The following EML1 variants were observed in gnomAD, a reference collection of about 807,000 sequenced individuals.
EML1 encodes echinoderm microtubule-associated protein-like 1.
A neutral mutation model predicts 110.4 loss-of-function variants in EML1; 27 were observed. That is an observed-to-expected ratio of 0.24 (90% CI 0.18 to 0.34). The LOEUF is 0.34. EML1 is among the 10% of genes least tolerant of loss of function. The pLI, the probability that EML1 is intolerant of heterozygous loss-of-function variation, is 1.00. For missense variants in EML1, 741 were observed against 1,030.9 expected (o/e 0.72, Z 3.85); for synonymous variants, 344 against 385.8 (o/e 0.89, Z 1.27).
intron 2 of EML1, among the ~76,000 whole-genome samples, chr14:99,852,492 G>A (rs1045481120): frequency 5.3e-5 from 8 of 152,150 alleles, no homozygotes; most frequent in Non-Finnish European, 8.8e-5. Flanking sequence ...GCAAGTGCCC[G>A]TGGTCCCAGC....
chr14:99,856,111 T>C (rs1367496214), intron 2 of EML1, among the ~76,000 whole-genome samples: 1 of 152,210 alleles, frequency 6.6e-6, no homozygotes, highest in East Asian at 1.9e-4. Flanking sequence ...ATTGTGCCCA[T>C]TTTATAGATG....
rs1311175452 is a variant in EML1 at position 99,939,496 on chromosome 14, C to T, written c.2322+169C>T. ...GCACTTCCAGCCGCCCTTAGGGAAACCCCAAGCCCCACAGGACCCACAAAG... is the reference window on the plus strand; with the variant it reads ...GCACTTCCAGCCGCCCTTAGGGAAATCCCAAGCCCCACAGGACCCACAAAG... On this transcript the variant is annotated intron_variant, in intron 21 of 21. Transcript: ENST00000262233. This position sits in a 1 kb window ranked among gnomAD's most constrained non-coding sequence, Gnocchi z 4.2. Among the ~76,000 whole-genome samples, 1 of 152,164 alleles carries T rather than the reference C, an allele frequency of 6.6e-6. No individual in the cohort carries two copies. The highest frequency in any genetic ancestry group is 6.5e-5 in the Admixed American group (1 of 15,290).
intron 1 of EML1, among the ~76,000 whole-genome samples, chr14:99,816,300 A>G (rs1700466616): frequency 6.6e-6 from 1 of 152,188 alleles, no homozygotes; most frequent in Admixed American, 6.5e-5. Flanking sequence ...AGTAGCTGGG[A>G]CTACAAACGC....
At chr14:99,759,191 C>T (rs1017657132) in intron 1 of EML1, among the ~76,000 whole-genome samples, 1 of 152,224 alleles carries the variant, frequency 6.6e-6, no homozygotes, top group Non-Finnish European at 1.5e-5. Flanking sequence ...GGAGGGGGCT[C>T]TGCAGGTGTC....
At chr14:99,823,607 T>A (rs1386723256) in intron 1 of EML1, among the ~76,000 whole-genome samples, 1 of 152,092 alleles carries the variant, frequency 6.6e-6, no homozygotes. Flanking sequence ...CCTGCGTAGA[T>A]TGAGTGTCTC....
At chr14:99,834,309 C>CTTT (rs71113226) in intron 1 of EML1, among the ~76,000 whole-genome samples, 10 of 148,526 alleles carry the variant, frequency 6.7e-5, no homozygotes, top group Admixed American at 1.3e-4. Context: ...AGAATGTTTC[C>CTTT]TTTTTTTTTT....
intron 1 of EML1, among the ~76,000 whole-genome samples, chr14:99,749,304 A>G (rs1157460125): frequency 6.6e-6 from 1 of 152,046 alleles, no homozygotes; most frequent in Non-Finnish European, 1.5e-5. Context: ...CTGACTCCTC[A>G]CATCTTCACC....
chr14:99,917,884 G>A, intron 16 of EML1, 35 bp downstream of exon 16: 2 of 1,610,280 alleles, frequency 1.2e-6, no homozygotes, highest in Non-Finnish European at 1.7e-6. Context: ...TGCTTGCAAA[G>A]CTTATGGAAA....
At chr14:99,782,215 T>C (rs2057547719) in intron 1 of EML1, among the ~76,000 whole-genome samples, 1 of 151,748 alleles carries the variant, frequency 6.6e-6, no homozygotes, top group African/African-American at 2.4e-5. Flanking sequence ...CTGCTCAAAG[T>C]AGAAAAGTGA....
At chr14:99,877,135 G>C (rs1188500563) in intron 3 of EML1, among the ~76,000 whole-genome samples, 1 of 152,056 alleles carries the variant, frequency 6.6e-6, no homozygotes, top group Non-Finnish European at 1.5e-5. Context: ...GGGCCAGCAT[G>C]GTCAGGTTCT....
At chr14:99,791,405 C>T (rs76970393), upstream of EML1, among the ~76,000 whole-genome samples, 2,023 of 152,332 alleles carry the variant, frequency 0.013, 34 homozygotes, top group African/African-American at 0.046. Context: ...CCTCTCTGAC[C>T]ATTCCTTCGG....
chr14:99,872,775 A>G (rs1566909909), intron 3 of EML1, among the ~76,000 whole-genome samples: 1 of 152,254 alleles, frequency 6.6e-6, no homozygotes, highest in African/African-American at 2.4e-5. Context: ...TATTAGGATT[A>G]AAATAACTTC....
intron 7 of EML1, 91 bp downstream of exon 7, chr14:99,897,385 A>G (rs2059689444): frequency 1.6e-6 from 2 of 1,279,690 alleles, no homozygotes; most frequent in South Asian, 1.8e-5. Flanking sequence ...CCTGGGCAAC[A>G]GTGAAACCCT....
rs145895154 is a variant in EML1, at chr14:99,847,280, C to T, written c.68-3573C>T. Among the ~76,000 whole-genome samples, 271 of 152,218 alleles carry T rather than the reference C, an allele frequency of 1.8e-3. 4 individuals are homozygous for T. Among genetic ancestry groups the T allele is most frequent in the African/African-American group, 4.8e-3 (199 of 41,526 alleles). ...CGTATGCACTGCTATTGTTAGCTAC[C>T]GTTTTCTCTACGTATCAGTTAAGTC... On this transcript the variant is annotated intron_variant, in intron 1 of 21. Transcript: ENST00000262233.
chr14:99,940,219 A>C lies in EML1; in HGVS notation c.*107A>C. On this transcript the variant is annotated 3_prime_UTR_variant, in exon 22 of 22. Transcript: ENST00000262233. Reference sequence around the variant, plus strand: ...TGTTTAAAAAATTCTTACAAACCTCAGGAAAACTGTGCCCTCCGCCGGCTA... The same window carrying C: ...TGTTTAAAAAATTCTTACAAACCTCCGGAAAACTGTGCCCTCCGCCGGCTA... 5 of 1,346,678 alleles carry C rather than the reference A, an allele frequency of 3.7e-6. No homozygotes were observed. Among genetic ancestry groups the C allele is most frequent in the Non-Finnish European group, 4.8e-6 (5 of 1,048,572 alleles). The allele number at this position is 1,346,678 out of a possible 1,614,324, so 83.4% of individuals were successfully genotyped here.
chr14:99,854,640 A>T (rs74084789), intron 2 of EML1, among the ~76,000 whole-genome samples: 6 of 152,174 alleles, frequency 3.9e-5, no homozygotes, highest in Admixed American at 2.6e-4. Context: ...TATTTTTTAA[A>T]ATAGGAAGAA....
rs967599479 is a variant in EML1, at chr14:99,785,582, A to G, written c.-27+11569A>G. Among the ~76,000 whole-genome samples, 41 of 152,314 alleles carry G rather than the reference A, an allele frequency of 2.7e-4. No homozygotes were observed. The Middle Eastern group carries it at 0.01, about 38-fold the overall frequency. On this transcript the variant is annotated intron_variant, in intron 1 of 22. Coordinates refer to the EML1 transcript ENST00000327921. ...TCATAAGTTTCCAAAAAGCAGAAAA[A>G]GTTGGATTCTGGAAAATACAGATGA... is the stretch of plus-strand genomic sequence containing the variant.
intron 1 of EML1, among the ~76,000 whole-genome samples, chr14:99,739,091 T>TGA (rs1555385397): frequency 0.027 from 3,665 of 136,260 alleles, 177 homozygotes; most frequent in African/African-American, 0.098. Context: ...TGTGTGTGTG[T>TGA]GAGAGAGAGA....
At chr14:99,912,135 G>A (rs577446707) in intron 13 of EML1, among the ~76,000 whole-genome samples, 2 of 152,182 alleles carry the variant, frequency 1.3e-5, no homozygotes, top group Non-Finnish European at 2.9e-5. Context: ...TCCCACCTCA[G>A]CCTCCCAAAG....
Sources: allele counts gnomAD v4.1 joint callset (sites outside exome capture counted in the v4.1 genomes callset), GRCh38; gene constraint gnomAD v4.1.1; non-coding constraint Gnocchi (gnomAD v3.1); transcripts MANE v1.5; gene names NCBI Gene and HGNC (gene_info 2026-07-23, HGNC 2026-07-21).